The following RBMS3 variants were observed in gnomAD, a reference collection of about 807,000 sequenced individuals.
RBMS3 encodes RNA binding motif single stranded interacting protein 3.
A neutral mutation model predicts 66.8 loss-of-function variants in RBMS3; 27 were observed. That is an observed-to-expected ratio of 0.40 (90% CI 0.30 to 0.56). The LOEUF is 0.56. RBMS3 is among the 20% of genes least tolerant of loss of function. The probability of loss-of-function intolerance (pLI) is 0.40; values close to 1 mark genes in which losing one functional copy is unlikely to be tolerated. For synonymous variants in RBMS3, 188 were observed against 183.0 expected, an observed-to-expected ratio of 1.03 and a Z score of -0.22; for missense variants, 513 against 549.5, an observed-to-expected ratio of 0.93 and a Z score of 0.66.
chr3:29,393,503 G>A (rs1307658487), intron 1 of RBMS3, among the ~76,000 whole-genome samples: 2 of 152,106 alleles, frequency 1.3e-5, no homozygotes, highest in African/African-American at 2.4e-5. Context: ...AGGACTAGTG[G>A]ATGATGAACT....
chr3:29,838,173 C>CAA (rs71091080), intron 6 of RBMS3, among the ~76,000 whole-genome samples: 7,022 of 82,960 alleles, frequency 0.085, 535 homozygotes, highest in Non-Finnish European at 0.11. Context: ...CTCATCTCTA[C>CAA]AAAAAAAAAA....
intron 1 of RBMS3, among the ~76,000 whole-genome samples, chr3:29,326,941 A>G (rs56170577): frequency 0.04 from 6,063 of 152,228 alleles, 150 homozygotes; most frequent in South Asian, 0.069. Context: ...CGTGTTGGCC[A>G]GGATGGTCTC....
chr3:29,759,039 C>T (rs1224849338), intron 5 of RBMS3, among the ~76,000 whole-genome samples: 1 of 152,106 alleles, frequency 6.6e-6, no homozygotes, highest in East Asian at 1.9e-4. Context: ...GTGTGATTCT[C>T]TATGGAGGTG....
chr3:29,365,167 A>G (rs930590237), intron 1 of RBMS3, among the ~76,000 whole-genome samples: 4 of 152,144 alleles, frequency 2.6e-5, no homozygotes, highest in Admixed American at 6.6e-5. Flanking sequence ...TAAAATTTCA[A>G]TTTTCACATA....
At chr3:29,589,718 T>G (rs907138485) in intron 4 of RBMS3, among the ~76,000 whole-genome samples, 1 of 152,114 alleles carries the variant, frequency 6.6e-6, no homozygotes, top group Non-Finnish European at 1.5e-5. Flanking sequence ...ACCTGCAGTC[T>G]GCTGGGTGTG....
At chr3:29,940,541 G>A (rs1456836361) in intron 11 of RBMS3, among the ~76,000 whole-genome samples, 2 of 151,736 alleles carry the variant, frequency 1.3e-5, no homozygotes, top group African/African-American at 4.8e-5. Context: ...TTGAACACTG[G>A]CTTAGTCCCA....
chr3:29,514,930 A>G (rs540081457), intron 3 of RBMS3, among the ~76,000 whole-genome samples: 20 of 152,088 alleles, frequency 1.3e-4, no homozygotes, highest in Non-Finnish European at 2.4e-4. Context: ...TTAATCCTAC[A>G]GAGGCCCTTC....
intron 10 of RBMS3, among the ~76,000 whole-genome samples, chr3:29,929,002 A>C (rs2149675001): frequency 6.6e-6 from 1 of 152,264 alleles, no homozygotes; most frequent in Non-Finnish European, 1.5e-5. Context: ...TTCTCTAAAC[A>C]ATTAATATTT....
chr3:29,640,983 A>T (rs1265737456), intron 4 of RBMS3: 3 of 151,976 alleles, frequency 2.0e-5, no homozygotes, highest in African/African-American at 7.2e-5. Context: ...CAAACTTAGC[A>T]TAGTCCTTGG....
intron 6 of RBMS3, among the ~76,000 whole-genome samples, chr3:29,810,017 T>G (rs537869876): frequency 6.6e-6 from 1 of 152,206 alleles, no homozygotes; most frequent in African/African-American, 2.4e-5. Flanking sequence ...AGGAATTTGC[T>G]TGCATTCTTA....
intron 4 of RBMS3, among the ~76,000 whole-genome samples, chr3:29,594,659 T>A (rs1026498065): frequency 1.3e-5 from 2 of 152,232 alleles, no homozygotes; most frequent in African/African-American, 4.8e-5. Flanking sequence ...TACTGGCTGG[T>A]CTTTTACATG....
At chr3:29,834,604 G>A (rs1422382137) in intron 6 of RBMS3, among the ~76,000 whole-genome samples, 1 of 151,800 alleles carries the variant, frequency 6.6e-6, no homozygotes, top group Non-Finnish European at 1.5e-5. Flanking sequence ...AAGCCTAAAG[G>A]TAATCATGAA....
At chr3:29,700,746 G>A (rs1383509202) in intron 4 of RBMS3, among the ~76,000 whole-genome samples, 1 of 151,600 alleles carries the variant, frequency 6.6e-6, no homozygotes, top group Non-Finnish European at 1.5e-5. Context: ...AGGGGAGAAG[G>A]GAATATTTTT....
At position 29,737,648 on chromosome 3, in the gene RBMS3, C is replaced by T. The variant is rs943393914; in HGVS notation, c.400-2072C>T. On this transcript the variant is annotated intron_variant, in intron 4 of 14. Coordinates refer to ENST00000383767, the MANE Select transcript of RBMS3 (RefSeq NM_001003793.3). ...AATACTATGAACCTTGGAAGTTATA[C>T]GTAGATAAGGTTCATTATTATGTAA... Among the ~76,000 whole-genome samples the T allele has an allele frequency of 7.2e-5, 11 of 151,908 alleles. No individual in the cohort carries two copies. The East Asian group carries it at 9.7e-4, about 13-fold the overall frequency.
At chr3:29,726,648 G>A (rs1301751738) in intron 4 of RBMS3, among the ~76,000 whole-genome samples, 2 of 152,056 alleles carry the variant, frequency 1.3e-5, no homozygotes, top group Non-Finnish European at 2.9e-5. Flanking sequence ...CAACTTACAA[G>A]GGATGTGAAG....
chr3:29,938,379 C>A (rs1278670481), intron 11 of RBMS3, among the ~76,000 whole-genome samples: 1 of 151,882 alleles, frequency 6.6e-6, no homozygotes, highest in Non-Finnish European at 1.5e-5. Context: ...CAAATTTCCA[C>A]TAGCTTTTTT....
rs67697115 is a variant in RBMS3 at position 29,548,456 on chromosome 3, C to A, written c.308-38658C>A. On this transcript the variant is annotated intron_variant, in intron 3 of 14. Coordinates refer to ENST00000383767, the MANE Select transcript of RBMS3 (RefSeq NM_001003793.3). ...TAAAAACAAACAAACAAACAAAAAA[C>A]AAAACGACGTTAATGAAGGATGTAA... Among the ~76,000 whole-genome samples, 290 of 64,800 alleles carry A rather than the reference C, an allele frequency of 4.5e-3. 1 individual carries two copies. The highest frequency in any genetic ancestry group is 7.8e-3 in the Non-Finnish European group (174 of 22,174). The allele number at this position is 64,800 out of a possible 152,430, so 42.5% of individuals were successfully genotyped here.
At chr3:29,485,260 A>G (rs2043278856) in intron 2 of RBMS3, among the ~76,000 whole-genome samples, 1 of 152,314 alleles carries the variant, frequency 6.6e-6, no homozygotes, top group South Asian at 2.1e-4. Flanking sequence ...TGTATTGACA[A>G]GCTAGGGTGA....
chr3:29,565,903 T>G (rs1419718797), intron 3 of RBMS3, among the ~76,000 whole-genome samples: 1 of 152,072 alleles, frequency 6.6e-6, no homozygotes, highest in African/African-American at 2.4e-5. Context: ...AGGGTTGGAG[T>G]TGCAAATTTA....
Sources: allele counts gnomAD v4.1 joint callset (sites outside exome capture counted in the v4.1 genomes callset), GRCh38; gene constraint gnomAD v4.1.1; transcripts MANE v1.5; gene names NCBI Gene and HGNC (gene_info 2026-07-23, HGNC 2026-07-21).